Variants in PPP3CA observed in about 807,000 individuals in gnomAD.
The protein encoded by PPP3CA is protein phosphatase 3 catalytic subunit alpha.
In PPP3CA, 14 loss-of-function variants were observed where a neutral mutation model predicts 66.5. That is an observed-to-expected ratio of 0.21 (90% confidence interval 0.14 to 0.33). The LOEUF (loss-of-function observed/expected upper bound fraction) is 0.33. Ranked by LOEUF, PPP3CA falls within the 10% of genes least tolerant of loss-of-function variation. PPP3CA has a pLI of 1.00. For synonymous variants in PPP3CA, 232 were observed against 226.2 expected (o/e 1.03, Z -0.23); for missense variants, 317 against 639.5 (o/e 0.50, Z 5.44).
chr4:101,264,315 G>A, intron 1 of PPP3CA, among the ~76,000 whole-genome samples: 1 of 152,032 alleles, frequency 6.6e-6, no homozygotes, highest in East Asian at 1.9e-4. Context: ...GTAGCTCACA[G>A]TTGCATTTGA....
intron 1 of PPP3CA, among the ~76,000 whole-genome samples, chr4:101,283,003 G>A (rs1727734695): frequency 1.3e-5 from 2 of 152,016 alleles, no homozygotes; most frequent in Admixed American, 1.3e-4. Context: ...AATTTTATAG[G>A]TTCACATAAT....
chr4:101,031,548 A>C (rs1234219104), intron 12 of PPP3CA, among the ~76,000 whole-genome samples: 2 of 152,266 alleles, frequency 1.3e-5, no homozygotes, highest in South Asian at 2.1e-4. Context: ...AGATAAAAGA[A>C]AACGTTTAGT....
intron 1 of PPP3CA, among the ~76,000 whole-genome samples, chr4:101,197,943 A>C (rs1724851887): frequency 6.6e-6 from 1 of 152,236 alleles, no homozygotes; most frequent in Non-Finnish European, 1.5e-5. Context: ...TAGTAAGTAA[A>C]AATGATTAAT....
chr4:101,235,032 T>C (rs1271062169), intron 1 of PPP3CA, among the ~76,000 whole-genome samples: 1 of 151,726 alleles, frequency 6.6e-6, no homozygotes, highest in Non-Finnish European at 1.5e-5. Context: ...ATATACACAC[T>C]ACTAGTGAGT....
At position 101,039,676 on chromosome 4, in the gene PPP3CA, C is replaced by G. The variant is rs1445532102; in HGVS notation, c.1241+806G>C. Among the ~76,000 whole-genome samples the G allele has an allele frequency of 2.8e-5, 4 of 143,466 alleles. 1 individual carries two copies. The highest frequency in any genetic ancestry group is 6.2e-5 in the Non-Finnish European group (4 of 64,160). The allele number at this position is 143,466 out of a possible 152,430, so 94.1% of individuals were successfully genotyped here. A position where few individuals can be genotyped will look rare whatever the true frequency, so the allele number is the denominator to read the frequency against. Reference sequence around the variant, plus strand: ...TGTACCAGGAAGAGGATAGAAATAGCAAGAGGAGAAATCAAAAGAGCCAGT... The same window carrying G: ...TGTACCAGGAAGAGGATAGAAATAGGAAGAGGAGAAATCAAAAGAGCCAGT... On this transcript the variant is annotated intron_variant, in intron 11 of 13. Coordinates refer to ENST00000394854, the MANE Select transcript of PPP3CA (RefSeq NM_000944.5).
At chr4:101,061,432 A>G (rs1225350242) in intron 9 of PPP3CA, among the ~76,000 whole-genome samples, 1 of 152,126 alleles carries the variant, frequency 6.6e-6, no homozygotes, top group Non-Finnish European at 1.5e-5. Context: ...TGTGGATGTG[A>G]ATATACTACA....
At chr4:101,203,534 A>G (rs1308888263) in intron 1 of PPP3CA, among the ~76,000 whole-genome samples, 2 of 152,132 alleles carry the variant, frequency 1.3e-5, no homozygotes, top group Non-Finnish European at 2.9e-5. Flanking sequence ...CTTCAACTAT[A>G]AGGTATTAAT....
chr4:101,051,464 T>A (rs1292039780), intron 10 of PPP3CA, among the ~76,000 whole-genome samples: 1 of 152,138 alleles, frequency 6.6e-6, no homozygotes, highest in East Asian at 1.9e-4. Flanking sequence ...ACAAAGAGAA[T>A]CAGAAAAGCT....
chr4:101,297,513 CAT>C (rs1375043495), intron 1 of PPP3CA, among the ~76,000 whole-genome samples: 4 of 152,122 alleles, frequency 2.6e-5, no homozygotes, highest in Non-Finnish European at 5.9e-5. Flanking sequence ...TCTTAGGAAA[CAT>C]ATAGTTTGAC....
intron 10 of PPP3CA, among the ~76,000 whole-genome samples, chr4:101,046,098 A>C (rs1157617761): frequency 6.6e-6 from 1 of 152,172 alleles, no homozygotes; most frequent in African/African-American, 2.4e-5. Flanking sequence ...CTTGCTGAAA[A>C]AGGCAATGAA....
intron 1 of PPP3CA, among the ~76,000 whole-genome samples, chr4:101,274,432 T>A (rs1727428732): frequency 6.6e-6 from 1 of 152,200 alleles, no homozygotes; most frequent in African/African-American, 2.4e-5. Flanking sequence ...GGGCACAACA[T>A]CCAAAATTAA....
intron 10 of PPP3CA, among the ~76,000 whole-genome samples, chr4:101,048,732 C>A (rs1727881038): frequency 6.6e-6 from 1 of 151,998 alleles, no homozygotes; most frequent in Admixed American, 6.6e-5. Flanking sequence ...ATAATAGCCA[C>A]TCACTCCAAA....
rs186710937 is a variant in PPP3CA at position 101,151,949 on chromosome 4, C to A, written c.260-42871G>T. Among the ~76,000 whole-genome samples, 214 of 152,148 alleles carry A rather than the reference C, an allele frequency of 1.4e-3. 1 individual carries two copies. Among genetic ancestry groups the A allele is most frequent in the African/African-American group, 5.2e-3 (214 of 41,548 alleles). On this transcript the variant is annotated intron_variant, in intron 2 of 13. Transcript: ENST00000394854. The stretch of plus-strand genomic sequence containing the variant: ...GGGATTACAGGCGTGAGCCACTGCA[C>A]CCAGCCAAGTTTCCTATTTTTCTAT...
At chr4:101,130,378 C>G (rs868022029) in intron 2 of PPP3CA, among the ~76,000 whole-genome samples, 1 of 152,006 alleles carries the variant, frequency 6.6e-6, no homozygotes, top group Non-Finnish European at 1.5e-5. Context: ...AGGCCAACAT[C>G]CAAATTCAGG....
rs1445441957 is a variant in PPP3CA at position 101,139,820 on chromosome 4, T to C, written c.260-30742A>G. Reference sequence around the variant, plus strand: ...GGCTTTGAGAACCTTAACTCTTTTTTCTATTGGCTTGGGGTGTAAATCCAC... The same window carrying C: ...GGCTTTGAGAACCTTAACTCTTTTTCCTATTGGCTTGGGGTGTAAATCCAC... On this transcript the variant is annotated intron_variant, in intron 2 of 13. Transcript: ENST00000394854. 2.0e-5 allele frequency among the ~76,000 whole-genome samples: 3 copies of C among 151,894 alleles called. No homozygotes were observed. In the East Asian group the frequency reaches 5.8e-4, roughly 29 times the overall value.
intron 1 of PPP3CA, among the ~76,000 whole-genome samples, chr4:101,316,489 G>C (rs1401744121): frequency 1.3e-5 from 2 of 152,180 alleles, no homozygotes; most frequent in Admixed American, 6.5e-5. Flanking sequence ...ACTCGGGTGG[G>C]ATTTGTTTTA....
At position 101,153,377 on chromosome 4, in the gene PPP3CA, A is replaced by G. The variant is rs981222844; in HGVS notation, c.259+42539T>C. ...AAGTTCAACTATCAGCAAAAAATAA[A>G]TTACTATGTTTATTTCATCTTTCTT... On this transcript the variant is annotated intron_variant, in intron 2 of 13. Transcript: ENST00000394854. Among the ~76,000 whole-genome samples the G allele has an allele frequency of 3.9e-5, 6 of 152,360 alleles. No individual in the cohort carries two copies. The South Asian group carries it at 1.0e-3, about 26-fold the overall frequency.
chr4:101,198,230 G>A (rs1006153064), intron 1 of PPP3CA, among the ~76,000 whole-genome samples: 7 of 151,996 alleles, frequency 4.6e-5, no homozygotes, highest in South Asian at 2.1e-4. Context: ...GCTTTTCCTC[G>A]CTTGACTGAT....
chr4:101,253,981 T>G (rs1726758294), intron 1 of PPP3CA, among the ~76,000 whole-genome samples: 1 of 152,018 alleles, frequency 6.6e-6, no homozygotes, highest in African/African-American at 2.4e-5. Flanking sequence ...CCACCTCCAT[T>G]CATAATCATT....
Sources: gnomAD v4.1 joint callset for allele counts (sites outside exome capture counted in the v4.1 genomes callset) on GRCh38, gnomAD v4.1.1 for gene constraint, MANE v1.5 for transcripts, NCBI Gene and HGNC (gene_info 2026-07-23, HGNC 2026-07-21) for gene names.